Variants in CCDC7 observed in about 807,000 individuals in gnomAD.
The protein encoded by CCDC7 is coiled-coil domain containing 7, also known as coiled-coil domain-containing protein 7.
CCDC7 carries 183 observed loss-of-function variants against 196.9 expected under a neutral mutation model. That is an observed-to-expected ratio of 0.93 (90% CI 0.82 to 1.05). CCDC7 has a LOEUF of 1.05. Ranked by LOEUF, CCDC7 falls within the 50% of genes least tolerant of loss-of-function variation. The probability of loss-of-function intolerance (pLI) is 0.00; values close to 1 mark genes in which losing one functional copy is unlikely to be tolerated. For synonymous variants in CCDC7, 525 were observed against 484.6 expected (o/e 1.08, Z -1.10); for missense variants, 1,540 against 1,482.2 (o/e 1.04, Z -0.64).
At chr10:32,731,908 C>A (rs542138318) in intron 28 of CCDC7, among the ~76,000 whole-genome samples, 1 of 152,084 alleles carries the variant, frequency 6.6e-6, no homozygotes, top group Non-Finnish European at 1.5e-5. Context: ...AAAAAATTAG[C>A]GGCGCATGGT....
chr10:32,669,911 C>T (rs891356954), intron 21 of CCDC7, among the ~76,000 whole-genome samples: 40 of 152,174 alleles, frequency 2.6e-4, no homozygotes, highest in Non-Finnish European at 5.7e-4. Context: ...AATTCTCTTT[C>T]TTCTCAGTAA....
chr10:32,466,477 T>G lies in CCDC7; in HGVS notation c.510+3428T>G, dbSNP rs146489428. Among the ~76,000 whole-genome samples the G allele has an allele frequency of 8.6e-3, 1,307 of 152,308 alleles. 28 individuals carry two copies. The highest frequency in any genetic ancestry group is 0.029 in the African/African-American group (1,206 of 41,562). ...TCTATTGTTTCCTTCTTTGTGTTCA[T>G]GAGTTCTCATCATTTAGCTCCCACT... On this transcript the variant is annotated intron_variant, in intron 5 of 41. Coordinates refer to ENST00000639629, the Ensembl canonical transcript of CCDC7.
intron 25 of CCDC7, among the ~76,000 whole-genome samples, chr10:32,723,582 T>C (rs1442181927): frequency 6.6e-6 from 1 of 152,066 alleles, no homozygotes; most frequent in Non-Finnish European, 1.5e-5. Flanking sequence ...CAGCTGAGGA[T>C]GTAGATTGTT....
chr10:32,475,261 T>C (rs781399946), intron 8 of CCDC7, among the ~76,000 whole-genome samples: 12 of 152,208 alleles, frequency 7.9e-5, no homozygotes, highest in Non-Finnish European at 1.2e-4. Context: ...TTCCCTACAC[T>C]GTGGACTGGC....
At chr10:32,522,747 A>G (rs145151403) in intron 11 of CCDC7, among the ~76,000 whole-genome samples, 3 of 151,862 alleles carry the variant, frequency 2.0e-5, no homozygotes, top group East Asian at 1.9e-4. Flanking sequence ...TTGTTGCTTC[A>G]TTAGGTTATT....
At chr10:32,676,721 C>T (rs1222710339) in intron 21 of CCDC7, among the ~76,000 whole-genome samples, 1 of 151,986 alleles carries the variant, frequency 6.6e-6, no homozygotes, top group Admixed American at 6.6e-5. Flanking sequence ...CAGGAAACAA[C>T]AGGTGCTGGA....
intron 21 of CCDC7, among the ~76,000 whole-genome samples, chr10:32,673,718 A>G (rs1008381424): frequency 6.7e-6 from 1 of 150,168 alleles, no homozygotes; most frequent in African/African-American, 2.5e-5. Context: ...TAAAAAATCA[A>G]TAACAAATAG....
At chr10:32,649,558 T>C (rs904000954) in intron 20 of CCDC7, among the ~76,000 whole-genome samples, 9 of 152,224 alleles carry the variant, frequency 5.9e-5, no homozygotes, top group Non-Finnish European at 1.0e-4. Flanking sequence ...GATTTGCATG[T>C]TGACCTCTCT....
At chr10:32,726,624 A>G in intron 25 of CCDC7, 110 bp from the exon 27 acceptor site, 1 of 532,610 alleles carries the variant, frequency 1.9e-6, no homozygotes, top group East Asian at 3.4e-5. Flanking sequence ...AAAAATGAGA[A>G]AAAATATTGC....
intron 11 of CCDC7, among the ~76,000 whole-genome samples, chr10:32,533,246 AAC>A (rs58119017): frequency 0.028 from 4,021 of 144,594 alleles, 107 homozygotes; most frequent in African/African-American, 0.07. Context: ...AAACAAAGGA[AAC>A]ACACACACAC....
chr10:32,876,556 T>A, downstream of CCDC7: 1 of 588,448 alleles, frequency 1.7e-6, no homozygotes, highest in Non-Finnish European at 2.9e-6. Context: ...TAGGCCCAGA[T>A]CACAGAAGGC....
chr10:32,710,573 G>A (rs1358814860), intron 24 of CCDC7, among the ~76,000 whole-genome samples: 3 of 152,266 alleles, frequency 2.0e-5, no homozygotes, highest in East Asian at 3.9e-4. Flanking sequence ...TAAACAATCC[G>A]CTAGCATTCT....
chr10:32,592,101 A>G (rs754100123), intron 18 of CCDC7, among the ~76,000 whole-genome samples: 24 of 152,170 alleles, frequency 1.6e-4, no homozygotes, highest in Non-Finnish European at 3.4e-4. Context: ...TGGTGTTTCT[A>G]TGAATTTATT....
At chr10:32,815,493 T>C (rs902178974) in intron 31 of CCDC7, among the ~76,000 whole-genome samples, 20 of 152,108 alleles carry the variant, frequency 1.3e-4, no homozygotes, top group African/African-American at 4.8e-4. Context: ...AAGAAAAGAT[T>C]TGAAATGTCA....
At chr10:32,856,002 A>G (rs180719025) in intron 41 of CCDC7, among the ~76,000 whole-genome samples, 2 of 152,204 alleles carry the variant, frequency 1.3e-5, no homozygotes, top group South Asian at 2.1e-4. Context: ...ACAACATATG[A>G]TGCTGAGAAA....
chr10:32,565,694 A>C (rs2056671739), intron 14 of CCDC7, 74 bp downstream of exon 15: 6 of 1,507,656 alleles, frequency 4.0e-6, no homozygotes, highest in South Asian at 1.3e-5. Context: ...TCAAATGAAT[A>C]ATTTTTACTT....
chr10:32,864,950 C>A (rs1032828551), intron 41 of CCDC7, among the ~76,000 whole-genome samples: 1 of 151,876 alleles, frequency 6.6e-6, no homozygotes, highest in Non-Finnish European at 1.5e-5. Context: ...AATTCTATCT[C>A]AAATCATGCA....
chr10:32,845,789 AC>A, intron 35 of CCDC7, 86 bp from the exon 37 acceptor site: 1 of 1,139,814 alleles, frequency 8.8e-7, no homozygotes, highest in African/African-American at 1.5e-5. Context: ...ACACACACAC[AC>A]ACACATACAC....
chr10:32,485,020 G>T (rs368815250), intron 8 of CCDC7, among the ~76,000 whole-genome samples: 1 of 152,226 alleles, frequency 6.6e-6, no homozygotes, highest in East Asian at 1.9e-4. Flanking sequence ...CATAAAATGA[G>T]TTAGGGAGCA....
Sources: gnomAD v4.1 joint callset for allele counts (sites outside exome capture counted in the v4.1 genomes callset) on GRCh38, gnomAD v4.1.1 for gene constraint, MANE v1.5 for transcripts, NCBI Gene and HGNC (gene_info 2026-07-23, HGNC 2026-07-21) for gene names.